Variants in ATG7 observed in about 807,000 individuals in gnomAD.
The protein encoded by ATG7 is ubiquitin-like modifier-activating enzyme ATG7.
ATG7 carries 70 observed loss-of-function variants against 82.4 expected under a neutral mutation model. The observed-to-expected ratio is 0.85, with a 90% CI of 0.70 to 1.04. ATG7 has a LOEUF of 1.04. ATG7 is among the 50% of genes least tolerant of loss of function. ATG7 has a pLI of 0.00. For synonymous variants in ATG7, 287 were observed against 313.0 expected (o/e 0.92, Z 0.88); for missense variants, 792 against 864.3 (o/e 0.92, Z 1.05).
intron 13 of ATG7, among the ~76,000 whole-genome samples, chr3:11,346,127 C>A (rs548566291): frequency 6.6e-6 from 1 of 152,278 alleles, no homozygotes; most frequent in African/African-American, 2.4e-5. Flanking sequence ...GATGTTCCCA[C>A]CTTGGCCTCC....
chr3:11,363,047 C>A, intron 17 of ATG7, 119 bp downstream of exon 17: 1 of 880,934 alleles, frequency 1.1e-6, no homozygotes, highest in Non-Finnish European at 1.7e-6. Context: ...ATTTCACCCT[C>A]AAAAAAACAA....
chr3:11,426,586 T>C (rs1369748603), intron 19 of ATG7, among the ~76,000 whole-genome samples: 1 of 152,210 alleles, frequency 6.6e-6, no homozygotes, highest in Non-Finnish European at 1.5e-5. Context: ...AAAACATTGG[T>C]ACTCAAACTG....
chr3:11,361,386 G>C (rs540906295), intron 16 of ATG7, among the ~76,000 whole-genome samples: 41 of 151,636 alleles, frequency 2.7e-4, no homozygotes, highest in Non-Finnish European at 4.1e-4. Context: ...CTGGGTTCAA[G>C]TGATTCTCCT....
At chr3:11,307,090 A>T (rs746458099) in intron 6 of ATG7, 30 bp downstream of exon 6, 2 of 1,584,752 alleles carry the variant, frequency 1.3e-6, no homozygotes, top group Non-Finnish European at 1.7e-6. Flanking sequence ...TGTATGTGTC[A>T]TATTTCCTGT....
At position 11,443,173 on chromosome 3, in the gene ATG7, G is replaced by A. The variant is rs77302999; in HGVS notation, c.2079+16247G>A. Among the ~76,000 whole-genome samples the A allele has an allele frequency of 3.8e-3, 580 of 152,296 alleles. 31 individuals carry two copies. In the East Asian group the frequency reaches 0.093, roughly 24 times the overall value. The stretch of plus-strand genomic sequence containing the variant: ...TCTGGGCCACCATACACACTTCTGT[G>A]TGGGGCGTGCTCCCACCTCCAGCCT... On this transcript the variant is annotated intron_variant, in intron 20 of 20. Coordinates refer to ENST00000693202, the MANE Select transcript of ATG7 (RefSeq NM_001349232.2).
chr3:11,384,587 G>C (rs1333426232), intron 19 of ATG7, among the ~76,000 whole-genome samples: 3 of 152,138 alleles, frequency 2.0e-5, no homozygotes, highest in Non-Finnish European at 4.4e-5. Flanking sequence ...TTTTGGCCTT[G>C]GTTATAGCCA....
chr3:11,555,603 C>T lies in ATG7; in HGVS notation c.*760C>T, dbSNP rs1212320271. 1.3e-5 allele frequency: 2 copies of T among 152,236 alleles called. No individual in the cohort carries two copies. The highest frequency in any genetic ancestry group is 2.4e-5 in the African/African-American group (1 of 41,402). The allele number at this position is 152,236 out of a possible 1,614,324, so 9.4% of individuals were successfully genotyped here. A position where few individuals can be genotyped will look rare whatever the true frequency, so the allele number is the denominator to read the frequency against. ...TGCCTGGATGGGGCTCCTCCCTGCCCTTATGAGCAGGCCAGGCCCAGAAAG... is the reference window on the plus strand; with the variant it reads ...TGCCTGGATGGGGCTCCTCCCTGCCTTTATGAGCAGGCCAGGCCCAGAAAG... On this transcript the variant is annotated 3_prime_UTR_variant, in exon 21 of 21. Coordinates refer to ENST00000693202, the MANE Select transcript of ATG7 (RefSeq NM_001349232.2).
At chr3:11,475,696 C>T (rs1346759927) in intron 20 of ATG7, among the ~76,000 whole-genome samples, 1 of 152,152 alleles carries the variant, frequency 6.6e-6, no homozygotes, top group African/African-American at 2.4e-5. Context: ...GTTAACTTAG[C>T]ATGTCAGAAA....
intron 1 of ATG7, among the ~76,000 whole-genome samples, chr3:11,280,584 A>G (rs1384657928): frequency 6.6e-6 from 1 of 152,192 alleles, no homozygotes; most frequent in Non-Finnish European, 1.5e-5. Context: ...GAAATTTCAA[A>G]TCTTGTTAAA....
intron 20 of ATG7, among the ~76,000 whole-genome samples, chr3:11,445,057 T>C (rs537894895): frequency 1.3e-5 from 2 of 152,176 alleles, no homozygotes; most frequent in Non-Finnish European, 2.9e-5. Flanking sequence ...AAACAATAGA[T>C]GCTGGCGAGG....
At chr3:11,279,785 T>A (rs1942669444) in intron 1 of ATG7, among the ~76,000 whole-genome samples, 1 of 152,208 alleles carries the variant, frequency 6.6e-6, no homozygotes, top group Non-Finnish European at 1.5e-5. Flanking sequence ...CTCATCAGTC[T>A]AATTTAGATA....
chr3:11,332,146 T>G (rs1951743484), intron 10 of ATG7, among the ~76,000 whole-genome samples: 1 of 151,362 alleles, frequency 6.6e-6, no homozygotes, highest in Non-Finnish European at 1.5e-5. Context: ...TCTTCAATAA[T>G]GAAATGAATA....
intron 1 of ATG7, among the ~76,000 whole-genome samples, chr3:11,274,448 C>G (rs1575077580): frequency 6.6e-6 from 1 of 152,026 alleles, no homozygotes; most frequent in Middle Eastern, 3.4e-3. Context: ...TTAGCCAAGA[C>G]CTGAAGGACG....
intron 20 of ATG7, among the ~76,000 whole-genome samples, chr3:11,474,875 G>T (rs2087954157): frequency 6.6e-6 from 1 of 152,108 alleles, no homozygotes; most frequent in African/African-American, 2.4e-5. Flanking sequence ...GTGGGAGTGG[G>T]GGGCCGGAGC....
rs529376882 is a variant in ATG7, at chr3:11,465,749, C to A, written c.2079+38823C>A. On this transcript the variant is annotated intron_variant, in intron 20 of 20. Transcript: ENST00000693202. ...CACTGCACACCAACCTGGGCGACAGCGAGACCCTGCTTCAAAAAAATAAAA... is the reference window on the plus strand; with the variant it reads ...CACTGCACACCAACCTGGGCGACAGAGAGACCCTGCTTCAAAAAAATAAAA... Among the ~76,000 whole-genome samples the A allele has an allele frequency of 2.4e-4, 36 of 152,018 alleles. 1 individual carries two copies. The South Asian group carries it at 7.3e-3, about 31-fold the overall frequency.
intron 14 of ATG7, among the ~76,000 whole-genome samples, chr3:11,352,115 C>T (rs1221312198): frequency 6.6e-6 from 1 of 151,460 alleles, no homozygotes; most frequent in Non-Finnish European, 1.5e-5. Context: ...GGTTTTCTGT[C>T]TTTGTGATAA....
chr3:11,551,328 C>T (rs2071759687), intron 20 of ATG7, among the ~76,000 whole-genome samples: 3 of 152,166 alleles, frequency 2.0e-5, no homozygotes, highest in South Asian at 4.2e-4. Flanking sequence ...AGAACCAGCT[C>T]GCCCGGCTCC....
intron 20 of ATG7, among the ~76,000 whole-genome samples, chr3:11,463,374 A>T (rs1459194489): frequency 6.6e-6 from 1 of 152,210 alleles, no homozygotes; most frequent in African/African-American, 2.4e-5. Context: ...CAATAATCAG[A>T]TACTTCCCTC....
chr3:11,507,486 T>C (rs935521903), intron 20 of ATG7, among the ~76,000 whole-genome samples: 2 of 152,136 alleles, frequency 1.3e-5, no homozygotes, highest in Non-Finnish European at 2.9e-5. Context: ...TAGTGATGAG[T>C]ATTTGTGATA....
Sources: allele counts gnomAD v4.1 joint callset (sites outside exome capture counted in the v4.1 genomes callset), GRCh38; gene constraint gnomAD v4.1.1; transcripts MANE v1.5; gene names NCBI Gene and HGNC (gene_info 2026-07-23, HGNC 2026-07-21).